SRSF11: variants seen among roughly 807,000 people sequenced by gnomAD.
SRSF11 encodes the protein serine and arginine rich splicing factor 11.
Under a neutral mutation model 56.0 loss-of-function variants are expected in SRSF11, and 9 were observed. The ratio of observed to expected loss-of-function variants is 0.16; its 90% CI spans 0.10 to 0.28. The LOEUF is 0.28. Among genes scored for constraint, SRSF11 ranks in the 10% least tolerant of loss-of-function variants. The probability of loss-of-function intolerance (pLI) is 1.00; values close to 1 mark genes in which losing one functional copy is unlikely to be tolerated. For missense variants in SRSF11, 421 were observed against 600.7 expected (o/e 0.70, Z 3.13); for synonymous variants, 222 against 215.3 (o/e 1.03, Z -0.27).
At chr1:70,243,276 TGA>T (rs999384940) in intron 7 of SRSF11, among the ~76,000 whole-genome samples, 3 of 136,982 alleles carry the variant, frequency 2.2e-5, no homozygotes, top group Non-Finnish European at 4.5e-5. Context: ...AACTCAGTCC[TGA>T]CTATACATGG....
At chr1:70,234,301 G>A (rs1204724023) in intron 3 of SRSF11, among the ~76,000 whole-genome samples, 1 of 152,144 alleles carries the variant, frequency 6.6e-6, no homozygotes, top group Non-Finnish European at 1.5e-5. Context: ...CAAAACAGCA[G>A]GGCAAAGAAT....
At chr1:70,233,520 G>A (rs947041251) in intron 3 of SRSF11, among the ~76,000 whole-genome samples, 5 of 152,198 alleles carry the variant, frequency 3.3e-5, no homozygotes, top group African/African-American at 7.2e-5. Flanking sequence ...GATTACAGGC[G>A]TGAGCCACCG....
chr1:70,213,647 A>G (rs1669759718), intron 1 of SRSF11, among the ~76,000 whole-genome samples: 1 of 152,150 alleles, frequency 6.6e-6, no homozygotes, highest in South Asian at 2.1e-4. Flanking sequence ...TAACTTTTCT[A>G]AGCCTTAGTT....
At chr1:70,242,086 T>G (rs971216783) in intron 7 of SRSF11, among the ~76,000 whole-genome samples, 20 of 151,608 alleles carry the variant, frequency 1.3e-4, no homozygotes, top group Non-Finnish European at 1.5e-5. Context: ...GGAGAATCGC[T>G]TGAACCCCGG....
chr1:70,217,359 T>C (rs57557771), upstream of SRSF11, among the ~76,000 whole-genome samples: 4,346 of 152,184 alleles, frequency 0.029, 213 homozygotes, highest in African/African-American at 0.1. Flanking sequence ...GGTTTCTCCA[T>C]GTTGGTCAGG....
At chr1:70,217,601 G>T (rs530903599), upstream of SRSF11, among the ~76,000 whole-genome samples, 278 of 152,244 alleles carry the variant, frequency 1.8e-3, 1 homozygote, top group South Asian at 0.015. Flanking sequence ...GAAGAAATTT[G>T]TGAGTTTTTT....
At chr1:70,230,664 A>G (rs1672676222) in intron 2 of SRSF11, 1 of 1,252,608 alleles carries the variant, frequency 8.0e-7, no homozygotes, top group Non-Finnish European at 1.0e-6. Flanking sequence ...TTATTTTTAA[A>G]TAGTCTTTTT....
At chr1:70,221,966 G>C (rs1558156006) in intron 1 of SRSF11, 127 bp downstream of exon 1, 1 of 1,455,000 alleles carries the variant, frequency 6.9e-7, no homozygotes, top group East Asian at 2.5e-5. Context: ...GTGGCTGGTG[G>C]ATTTACTTAA....
At chr1:70,247,147 G>C (rs1389147631) in intron 9 of SRSF11, 1 of 1,028,556 alleles carries the variant, frequency 9.7e-7, no homozygotes, top group Non-Finnish European at 1.2e-6. Flanking sequence ...GAATTCAAGA[G>C]AGGTGAGTTT....
intron 8 of SRSF11, among the ~76,000 whole-genome samples, chr1:70,246,342 G>T (rs1164217341): frequency 6.6e-6 from 1 of 152,036 alleles, no homozygotes; most frequent in Non-Finnish European, 1.5e-5. Flanking sequence ...CATAATAGCC[G>T]CAGAAAAAGA....
intron 1 of SRSF11, among the ~76,000 whole-genome samples, chr1:70,222,079 C>A (rs1376229549): frequency 1.3e-5 from 2 of 151,614 alleles, no homozygotes; most frequent in Non-Finnish European, 2.9e-5. Flanking sequence ...TTTTTTTTTC[C>A]GCCTTAAATT....
At chr1:70,216,008 A>C (rs1465205459) in intron 1 of SRSF11, among the ~76,000 whole-genome samples, 1 of 152,112 alleles carries the variant, frequency 6.6e-6, no homozygotes, top group African/African-American at 2.4e-5. Context: ...CTCATCTCGA[A>C]CCCCCGACCT....
intron 8 of SRSF11, 29 bp from the exon 9 acceptor site, chr1:70,246,789 T>C (rs781218171): frequency 4.0e-6 from 6 of 1,499,074 alleles, no homozygotes; most frequent in Admixed American, 3.6e-5. Flanking sequence ...AGTCTTCTAA[T>C]GCATTCATAA....
chr1:70,213,670 G>A (rs7523474), intron 1 of SRSF11, among the ~76,000 whole-genome samples: 6,268 of 152,076 alleles, frequency 0.041, 159 homozygotes, highest in African/African-American at 0.067. Context: ...TTTATTTATA[G>A]AATAGTCATT....
chr1:70,216,065 C>T lies in SRSF11; in HGVS notation c.-25-5547C>T, dbSNP rs577002258. On this transcript the variant is annotated intron_variant, in intron 1 of 12. Transcript: ENST00000370950. ...CCTCCCAAAGTGATGGGATTACAGG[C>T]GTGAGCCACCGTGCGTGGCCTGTCT... Among the ~76,000 whole-genome samples the T allele has an allele frequency of 1.4e-4, 21 of 152,142 alleles. No homozygotes were observed. The South Asian group carries it at 3.7e-3, about 27-fold the overall frequency.
chr1:70,246,502 G>A (rs576522061), intron 8 of SRSF11, among the ~76,000 whole-genome samples: 46 of 152,172 alleles, frequency 3.0e-4, no homozygotes, highest in African/African-American at 1.1e-3. Flanking sequence ...AGAAAAAGGA[G>A]TCTTGAGGAG....
intron 7 of SRSF11, among the ~76,000 whole-genome samples, chr1:70,242,104 G>T (rs1178028969): frequency 6.6e-6 from 1 of 151,130 alleles, no homozygotes; most frequent in Non-Finnish European, 1.5e-5. Context: ...CGGAGGCGGG[G>T]ATTGCAGTGA....
Position 70,235,898 on chromosome 1 carries a change from G to A in SRSF11, c.590+348G>A, listed in dbSNP as rs988600498. ...GGAATCACTATCCCAGAGCAAAGTA[G>A]TATTACATATTATATAATTAATAGC... On this transcript the variant is annotated intron_variant, in intron 5 of 11. Coordinates refer to ENST00000370949, the MANE Select transcript of SRSF11 (RefSeq NM_001350605.2). Among the ~76,000 whole-genome samples, 19 of 152,324 alleles carry A rather than the reference G, an allele frequency of 1.2e-4. No individual in the cohort carries two copies. The East Asian group carries it at 3.3e-3, about 26-fold the overall frequency.
chr1:70,239,475 G>C lies in SRSF11; in HGVS notation c.755G>C (p.Arg252Thr), dbSNP rs1674839350. Reference protein sequence around the residue: ...KEEKRRHSRSRSRSRRRRTPS... With the variant: ...KEEKRRHSRSTSRSRRRRTPS... Reference sequence around the variant, plus strand: ...GAAAAAAGAAGGCATTCAAGATCAAGATCACGTTCTAGGAGGAGGAGGACT... The same window carrying C: ...GAAAAAAGAAGGCATTCAAGATCAACATCACGTTCTAGGAGGAGGAGGACT... The change falls in exon 7 of 12, where the codon AGA (arginine) becomes ACA (threonine). Residue 252 changes from arginine to threonine, a missense_variant. This residue lies in a region of SRSF11 where 253 missense variants were observed against 305.8 expected (regional missense o/e 0.83). Coordinates refer to ENST00000370949, the MANE Select transcript of SRSF11 (RefSeq NM_001350605.2). The C allele has an allele frequency of 6.2e-7, 1 of 1,609,126 alleles. No individual in the cohort carries two copies. The highest frequency in any genetic ancestry group is 1.1e-5 in the South Asian group (1 of 90,110).
Sources: gnomAD v4.1 joint callset for allele counts (sites outside exome capture counted in the v4.1 genomes callset) on GRCh38, gnomAD v4.1.1 for gene constraint, gnomAD v4.1.1 regional missense constraint, MANE v1.5 for transcripts, NCBI Gene and HGNC (gene_info 2026-07-23, HGNC 2026-07-21) for gene names.